The following HERC2 variants were observed in gnomAD, a reference collection of about 807,000 sequenced individuals.
HERC2 encodes E3 ubiquitin-protein ligase HERC2.
Under a neutral mutation model 537.7 loss-of-function variants are expected in HERC2, and 102 were observed. The ratio of observed to expected loss-of-function variants is 0.19; its 90% confidence interval spans 0.16 to 0.22. The LOEUF is 0.22. HERC2 is among the 10% of genes least tolerant of loss of function. The probability of loss-of-function intolerance (pLI) is 1.00; values close to 1 mark genes in which losing one functional copy is unlikely to be tolerated. For synonymous variants in HERC2, 2,224 were observed against 2,466.2 expected (o/e 0.90, Z 2.91); for missense variants, 4,236 against 6,198.2 (o/e 0.68, Z 10.63).
chr15:28,259,881 T>C (rs2075370444), intron 16 of HERC2, among the ~76,000 whole-genome samples: 1 of 150,356 alleles, frequency 6.7e-6, no homozygotes, highest in African/African-American at 2.5e-5. Flanking sequence ...CGCAGGAGAA[T>C]TGCGTGAACC....
At chr15:28,146,380 T>C in intron 70 of HERC2, 36 bp from the exon 71 acceptor site, 3 of 1,392,510 alleles carry the variant, frequency 2.2e-6, no homozygotes, top group Non-Finnish European at 3.1e-6. Flanking sequence ...TAGCAACCAC[T>C]CCAGATCAGC....
chr15:28,319,202 T>C (rs2077168990), intron 2 of HERC2, among the ~76,000 whole-genome samples: 1 of 152,276 alleles, frequency 6.6e-6, no homozygotes, highest in South Asian at 2.1e-4. Flanking sequence ...ATCACTTTTT[T>C]CATGCTACTT....
intron 2 of HERC2, among the ~76,000 whole-genome samples, chr15:28,311,076 CAAAAA>C (rs71132854): frequency 6.8e-4 from 20 of 29,274 alleles, no homozygotes; most frequent in African/African-American, 2.6e-3. Context: ...GACTGCATCT[CAAAAA>C]AAAAAAAAAA....
At chr15:28,317,824 G>A (rs1019382109) in intron 2 of HERC2, among the ~76,000 whole-genome samples, 5 of 152,208 alleles carry the variant, frequency 3.3e-5, no homozygotes, top group Admixed American at 2.0e-4. Context: ...TACATAAAAT[G>A]TAACCACTGG....
intron 2 of HERC2, among the ~76,000 whole-genome samples, chr15:28,310,720 G>A (rs1379348017): frequency 6.6e-6 from 1 of 152,126 alleles, no homozygotes; most frequent in Non-Finnish European, 1.5e-5. Flanking sequence ...GCACTCAAGG[G>A]AATACGACAT....
At position 28,141,903 on chromosome 15, in the gene HERC2, A is replaced by G; in HGVS notation, c.11701-57T>C. On this transcript the variant is annotated intron_variant, in intron 76 of 92. Transcript: ENST00000261609. ...AACACTTATCTCAAACAAAATAGATAAATACTAAGGAAAGACAGAAGGAAT... is the reference window on the plus strand; with the variant it reads ...AACACTTATCTCAAACAAAATAGATGAATACTAAGGAAAGACAGAAGGAAT... 2.3e-6 allele frequency: 3 copies of G among 1,276,726 alleles called. 1 individual carries two copies. The highest frequency in any genetic ancestry group is 3.4e-6 in the Non-Finnish European group (3 of 878,808). The allele number at this position is 1,276,726 out of a possible 1,614,324, so 79.1% of individuals were successfully genotyped here.
chr15:28,249,137 C>A (rs1904014896), intron 20 of HERC2, among the ~76,000 whole-genome samples: 3 of 152,170 alleles, frequency 2.0e-5, no homozygotes, highest in Admixed American at 2.0e-4. Context: ...CTAGAAAGAA[C>A]AAACACAGTG....
At chr15:28,173,651 A>G (rs1894911626) in intron 65 of HERC2, among the ~76,000 whole-genome samples, 1 of 151,946 alleles carries the variant, frequency 6.6e-6, no homozygotes, top group South Asian at 2.1e-4. Context: ...AAACAAACAA[A>G]AATTAGCCAG....
chr15:28,202,390 C>T lies in HERC2; in HGVS notation c.7437G>A (p.Leu2479=). 6.2e-7 allele frequency: 1 copy of T among 1,613,576 alleles called. No individual in the cohort carries two copies. Among genetic ancestry groups the T allele is most frequent in the Non-Finnish European group, 8.5e-7 (1 of 1,179,702 alleles). The stretch of plus-strand genomic sequence containing the variant: ...TCCCGGAAGCACCAGTGAGAGACTT[C>T]AGGGCAAACTCGATGTTCCTTCTGG... ...GFSRRNIEFA[L]KSLTGASGNA... Residue 2479 remains leucine, a synonymous_variant, in exon 46 of 93, where the codon CTG becomes CTA. Transcript: ENST00000261609.
intron 2 of HERC2, among the ~76,000 whole-genome samples, chr15:28,300,823 CAAAAA>C (rs57696757): frequency 0.016 from 209 of 12,758 alleles, no homozygotes; most frequent in East Asian, 0.14. Context: ...GACTCCATCT[CAAAAA>C]AAAAAAAAAA....
intron 20 of HERC2, among the ~76,000 whole-genome samples, chr15:28,252,330 C>G (rs1030494337): frequency 6.6e-6 from 1 of 151,994 alleles, no homozygotes; most frequent in African/African-American, 2.4e-5. Context: ...AAAACGGGCA[C>G]TGCCCTCGTG....
At chr15:28,132,907 A>G (rs144935873) in intron 79 of HERC2, 77 bp from the exon 80 acceptor site, 36 of 1,142,222 alleles carry the variant, frequency 3.2e-5, no homozygotes, top group Non-Finnish European at 4.0e-5. Context: ...ATACCTCTCA[A>G]TCTACACCTT....
chr15:28,254,165 C>T (rs981531755), intron 20 of HERC2, among the ~76,000 whole-genome samples, 175 bp downstream of exon 20: 3 of 152,056 alleles, frequency 2.0e-5, no homozygotes, highest in African/African-American at 7.2e-5. Flanking sequence ...CACCTGTAAT[C>T]CCAGCTGTGT....
intron 53 of HERC2, 63 bp from the exon 54 acceptor site, chr15:28,191,307 C>A: frequency 1.0e-6 from 1 of 1,001,206 alleles, no homozygotes; most frequent in East Asian, 2.4e-5. Flanking sequence ...TTAGCTACTA[C>A]AATAGTATCG....
chr15:28,190,027 A>C (rs1023285435), intron 55 of HERC2, among the ~76,000 whole-genome samples: 1 of 118,766 alleles, frequency 8.4e-6, no homozygotes, highest in Non-Finnish European at 1.5e-5. Flanking sequence ...TTTTTTTTTG[A>C]GACAAGAGTC....
intron 48 of HERC2, among the ~76,000 whole-genome samples, chr15:28,199,390 T>C (rs2140322343): frequency 6.6e-6 from 1 of 152,286 alleles, no homozygotes; most frequent in East Asian, 1.9e-4. Context: ...TAAAAGCCAA[T>C]GGATTGGTCA....
chr15:28,152,614 C>G, intron 70 of HERC2, 63 bp downstream of exon 70: 4 of 1,382,224 alleles, frequency 2.9e-6, no homozygotes. Context: ...GAAGCAATTA[C>G]AGAATCACAT....
chr15:28,276,008 G>A (rs1282557496), intron 5 of HERC2, among the ~76,000 whole-genome samples: 9 of 151,136 alleles, frequency 6.0e-5, no homozygotes, highest in African/African-American at 1.9e-4. Context: ...CCAATATGAC[G>A]AAACCCTGTC....
chr15:28,215,642 A>C lies in HERC2; in HGVS notation c.6189T>G (p.Thr2063=). 1 of 1,610,266 alleles carries C rather than the reference A, an allele frequency of 6.2e-7. No homozygotes were observed. Among genetic ancestry groups the C allele is most frequent in the Non-Finnish European group, 8.5e-7 (1 of 1,178,916 alleles). Residue 2063 remains threonine (T), a synonymous_variant, in exon 39 of 93, where the codon ACT becomes ACG. Transcript: ENST00000261609. ...TTACCTGCCTCTGCAGCGAGGTGGCAGTGAAGGGTGCGTGCCCTTCCACGA... is the reference window on the plus strand; with the variant it reads ...TTACCTGCCTCTGCAGCGAGGTGGCCGTGAAGGGTGCGTGCCCTTCCACGA... The part of the protein sequence containing the change: ...MKVVEGHAPF[T]ATSLQRQILA...
Sources: allele counts gnomAD v4.1 joint callset (sites outside exome capture counted in the v4.1 genomes callset), GRCh38; gene constraint gnomAD v4.1.1; transcripts MANE v1.5; gene names NCBI Gene and HGNC (gene_info 2026-07-23, HGNC 2026-07-21).